The following IDE variants were observed in gnomAD, a reference collection of about 807,000 sequenced individuals.
IDE encodes insulin degrading enzyme, also known as insulin-degrading enzyme.
Under a neutral mutation model 133.2 loss-of-function variants are expected in IDE, and 58 were observed. The ratio of observed to expected loss-of-function variants is 0.44; its 90% CI spans 0.35 to 0.54. The LOEUF (loss-of-function observed/expected upper bound fraction) is 0.54, where lower values mean the gene tolerates loss of function less well. IDE is among the 20% of genes least tolerant of loss of function. The pLI, the probability that IDE is intolerant of heterozygous loss-of-function variation, is 0.00. For synonymous variants in IDE, 396 were observed against 421.3 expected, an observed-to-expected ratio of 0.94 and a Z score of 0.73; for missense variants, 981 against 1,234.0, an observed-to-expected ratio of 0.79 and a Z score of 3.07.
rs144581920 is a variant in IDE, at chr10:92,483,741, C to A, written c.1657-404G>T. Among the ~76,000 whole-genome samples, 3 of 152,302 alleles carry A rather than the reference C, an allele frequency of 2.0e-5. No individual in the cohort carries two copies. The East Asian group carries it at 5.8e-4, about 29-fold the overall frequency. On this transcript the variant is annotated intron_variant, in intron 13 of 24. Coordinates refer to ENST00000265986, the MANE Select transcript of IDE (RefSeq NM_004969.4). ...AATCCTTGCCTGCTGAGATTCACAG[C>A]CTTGGGTGGTCCCCTCCCACACTAC...
intron 4 of IDE, among the ~76,000 whole-genome samples, chr10:92,515,944 C>A (rs1360517135): frequency 6.7e-6 from 1 of 150,196 alleles, no homozygotes; most frequent in Non-Finnish European, 1.5e-5. Flanking sequence ...CCGAGGCAGG[C>A]AGATCACCTG....
chr10:92,568,955 T>C (rs1843672504), intron 1 of IDE, among the ~76,000 whole-genome samples: 1 of 152,170 alleles, frequency 6.6e-6, no homozygotes, highest in African/African-American at 2.4e-5. Flanking sequence ...CAGGTGTTTT[T>C]TTCTTCTTTG....
intron 1 of IDE, among the ~76,000 whole-genome samples, chr10:92,558,569 G>C (rs960807005): frequency 6.6e-6 from 1 of 152,036 alleles, no homozygotes; most frequent in African/African-American, 2.4e-5. Context: ...TATCTGATAA[G>C]GGACTTGTAT....
chr10:92,568,387 T>C (rs764588932), intron 1 of IDE, among the ~76,000 whole-genome samples: 29 of 152,198 alleles, frequency 1.9e-4, no homozygotes, highest in Non-Finnish European at 3.8e-4. Context: ...TGAAAAAAAG[T>C]AACTCAGAAA....
chr10:92,477,899 G>T (rs1025184196), intron 15 of IDE, among the ~76,000 whole-genome samples: 11 of 151,936 alleles, frequency 7.2e-5, no homozygotes. Context: ...AGCTACCAGA[G>T]AATTTATTTA....
intron 12 of IDE, 136 bp downstream of exon 12, chr10:92,490,357 G>A: frequency 3.0e-6 from 2 of 658,452 alleles, no homozygotes; most frequent in Non-Finnish European, 5.4e-6. Context: ...TCTACTTGTT[G>A]ATTTCTCTTA....
At position 92,486,644 on chromosome 10, in the gene IDE, C is replaced by T. The variant is rs919406032; in HGVS notation, c.1656+552G>A. Reference sequence around the variant, plus strand: ...GATACAATTTTTTACATACTTTACTCAAGTTCTGAAATAATAGCATGAAAA... The same window carrying T: ...GATACAATTTTTTACATACTTTACTTAAGTTCTGAAATAATAGCATGAAAA... On this transcript the variant is annotated intron_variant, in intron 13 of 24. Coordinates refer to ENST00000265986, the MANE Select transcript of IDE (RefSeq NM_004969.4). 2.6e-5 allele frequency among the ~76,000 whole-genome samples: 4 copies of T among 152,200 alleles called. No individual in the cohort carries two copies. In the East Asian group the frequency reaches 5.8e-4, roughly 22 times the overall value.
At chr10:92,495,377 T>C (rs1211561768) in intron 11 of IDE, among the ~76,000 whole-genome samples, 1 of 151,980 alleles carries the variant, frequency 6.6e-6, no homozygotes, top group Non-Finnish European at 1.5e-5. Flanking sequence ...CACGCCACCA[T>C]GCCTGGCTAA....
chr10:92,492,654 T>C (rs1847427309), intron 11 of IDE, among the ~76,000 whole-genome samples: 1 of 152,188 alleles, frequency 6.6e-6, no homozygotes, highest in African/African-American at 2.4e-5. Context: ...TTCCTGCTTG[T>C]TCTCACCTAC....
At chr10:92,525,516 A>G (rs1849576455) in intron 4 of IDE, among the ~76,000 whole-genome samples, 1 of 152,236 alleles carries the variant, frequency 6.6e-6, no homozygotes, top group South Asian at 2.1e-4. Flanking sequence ...CACTTTATAC[A>G]GCATAGCACT....
chr10:92,529,106 C>CA lies in IDE; in HGVS notation c.661+2641dup, dbSNP rs763071280. On this transcript the variant is annotated intron_variant, in intron 4 of 24. Transcript: ENST00000265986. ...AACAAAACAAAAAAACAAAACAAAA[C>CA]AAAAAATCCCCTGATGAACAAAGTG... Among the ~76,000 whole-genome samples, 18 of 151,966 alleles carry CA rather than the reference C, an allele frequency of 1.2e-4. No homozygotes were observed. In the South Asian group the frequency reaches 3.1e-3, roughly 26 times the overall value.
At chr10:92,486,370 A>G (rs1222769716) in intron 13 of IDE, among the ~76,000 whole-genome samples, 3 of 152,118 alleles carry the variant, frequency 2.0e-5, no homozygotes, top group African/African-American at 7.2e-5. Flanking sequence ...AAAGAAAATA[A>G]AGAAAAATGG....
chr10:92,551,503 G>A (rs1332452664), intron 1 of IDE, among the ~76,000 whole-genome samples: 2 of 150,686 alleles, frequency 1.3e-5, no homozygotes, highest in Non-Finnish European at 3.0e-5. Context: ...GGGAGGCAGA[G>A]GTTGCAGTTA....
At chr10:92,510,021 A>T (rs756077794) in intron 6 of IDE, 29 bp downstream of exon 6, 5 of 1,150,722 alleles carry the variant, frequency 4.3e-6, no homozygotes, top group Non-Finnish European at 6.5e-6. Flanking sequence ...TAAATTAAGA[A>T]GACAAAATAC....
chr10:92,530,628 C>G (rs1333298544), intron 4 of IDE, among the ~76,000 whole-genome samples: 2 of 152,092 alleles, frequency 1.3e-5, no homozygotes, highest in South Asian at 2.1e-4. Context: ...TCTTGACATA[C>G]CATGTATACT....
At chr10:92,530,735 T>A (rs1451918671) in intron 4 of IDE, among the ~76,000 whole-genome samples, 1 of 152,214 alleles carries the variant, frequency 6.6e-6, no homozygotes, top group African/African-American at 2.4e-5. Context: ...TAATATTGAG[T>A]GCCAAGTACC....
At chr10:92,463,700 C>T in intron 21 of IDE, 31 bp downstream of exon 21, 1 of 1,588,878 alleles carries the variant, frequency 6.3e-7, no homozygotes, top group Non-Finnish European at 8.6e-7. Flanking sequence ...ACTTGAATGC[C>T]ATAAATGTTG....
At chr10:92,491,593 C>A (rs796188199) in intron 11 of IDE, among the ~76,000 whole-genome samples, 7 of 149,906 alleles carry the variant, frequency 4.7e-5, no homozygotes, top group Non-Finnish European at 8.9e-5. Context: ...CCCGCCACCA[C>A]GCCTGGCTAA....
At position 92,461,241 on chromosome 10, in the gene IDE, C is replaced by A. The variant is rs1415606937; in HGVS notation, c.2773G>T (p.Val925Phe). ...TTGGTAAGTGTCTTTAAATATGCAA[C>A]CTCAGTGTTATCTGAAAAAGTAATC... is the stretch of plus-strand genomic sequence containing the variant. ...QYNFDRDNTE[V>F]AYLKTLTKED... Residue 925 changes from valine (V) to phenylalanine (F), a missense_variant, in exon 22 of 25, where the codon GTT (valine) becomes TTT (phenylalanine). Val to Phe is a conservative substitution (Grantham distance 50). Around this residue, in one of 2 missense-constraint regions of IDE, gnomAD observed 660 missense variants for 894.7 expected, o/e 0.74. Coordinates refer to ENST00000265986, the MANE Select transcript of IDE (RefSeq NM_004969.4). 1 of 1,452,666 alleles carries A rather than the reference C, an allele frequency of 6.9e-7. No individual in the cohort carries two copies. The highest frequency in any genetic ancestry group is 1.7e-5 in the Admixed American group (1 of 59,500). 90.0% of individuals were successfully genotyped at this position (1,452,666 alleles called of 1,614,324 possible).
Sources: gnomAD v4.1 joint callset for allele counts (sites outside exome capture counted in the v4.1 genomes callset) on GRCh38, gnomAD v4.1.1 for gene constraint, gnomAD v4.1.1 regional missense constraint, MANE v1.5 for transcripts, NCBI Gene and HGNC (gene_info 2026-07-23, HGNC 2026-07-21) for gene names.